The following AATK variants were observed in gnomAD, a reference collection of about 807,000 sequenced individuals.
The protein encoded by AATK is serine/threonine-protein kinase LMTK1.
A neutral mutation model predicts 114.3 loss-of-function variants in AATK; 91 were observed. The observed-to-expected ratio is 0.80, with a 90% CI of 0.67 to 0.95. The LOEUF is 0.95. Among genes scored for constraint, AATK ranks in the 40% least tolerant of loss-of-function variants. The pLI, the probability that AATK is intolerant of heterozygous loss-of-function variation, is 0.00. For synonymous variants in AATK, 1,075 were observed against 916.5 expected, an observed-to-expected ratio of 1.17 and a Z score of -3.12; for missense variants, 2,176 against 1,965.2, an observed-to-expected ratio of 1.11 and a Z score of -2.03.
rs1337163465 is a variant in AATK at position 81,122,329 on chromosome 17, T to C, written c.1607A>G (p.Glu536Gly). ...GTCGTGGCCGGCGGCGGGTGCGGCC[T>C]CCTCTAGGCGGATGAAGTACTCGCT... ...LGSEYFIRLE[E>G]AAPAAGHDPD... Residue 536 changes from glutamate (E) to glycine (G), a missense_variant, in exon 11 of 14, where the codon GAG becomes GGG. This residue lies in a region of AATK where 1,701 missense variants were observed against 1,394.7 expected (regional missense o/e 1.22). Transcript: ENST00000326724. The C allele has an allele frequency of 8.6e-6, 13 of 1,509,846 alleles. No individual in the cohort carries two copies. The highest frequency in any genetic ancestry group is 2.6e-5 in the East Asian group (1 of 37,866). The allele number at this position is 1,509,846 out of a possible 1,614,324, so 93.5% of individuals were successfully genotyped here. A position where few individuals can be genotyped will look rare whatever the true frequency, so the allele number is the denominator to read the frequency against.
chr17:81,124,758 C>T lies in AATK; in HGVS notation c.931G>A (p.Val311Ile), dbSNP rs766148176. The change falls in exon 9 of 14, where the codon GTC (valine) becomes ATC (isoleucine). Residue 311 changes from valine to isoleucine, a missense_variant. Transcript: ENST00000326724. ...LVDEVHSNLL[V>I]VDQTKSGNVW... ...TTCCCGCTCTTGGTCTGGTCCACGA[C>T]GAGCAGGTTGCTATGCACCTCGTCC... 35 of 1,612,788 alleles carry T rather than the reference C, an allele frequency of 2.2e-5. No individual in the cohort carries two copies. The highest frequency in any genetic ancestry group is 4.5e-5 in the East Asian group (2 of 44,888).
At chr17:81,129,096 C>T (rs952993073) in intron 3 of AATK, among the ~76,000 whole-genome samples, 1 of 152,188 alleles carries the variant, frequency 6.6e-6, no homozygotes, top group African/African-American at 2.4e-5. Flanking sequence ...AGGCCCGGGA[C>T]GAAGGGGCCA....
chr17:81,146,853 C>T (rs2061226909), intron 1 of AATK, among the ~76,000 whole-genome samples: 1 of 151,178 alleles, frequency 6.6e-6, no homozygotes, highest in Non-Finnish European at 1.5e-5. Context: ...AAATCAGAAC[C>T]GGCTGCCCAG....
intron 9 of AATK, among the ~76,000 whole-genome samples, chr17:81,124,291 G>A (rs962401913): frequency 2.5e-4 from 38 of 152,176 alleles, no homozygotes; most frequent in African/African-American, 8.4e-4. Flanking sequence ...TGAACGCTCC[G>A]GGCTAGGCAC....
chr17:81,156,287 T>C (rs750895902), intron 1 of AATK, among the ~76,000 whole-genome samples: 1 of 149,288 alleles, frequency 6.7e-6, no homozygotes, highest in Non-Finnish European at 1.5e-5. Flanking sequence ...TATGTTACAA[T>C]GTATGTTACT....
At chr17:81,137,980 ACACGCGTGCACACACCCC>A (rs902493050) in intron 1 of AATK, among the ~76,000 whole-genome samples, 3 of 151,252 alleles carry the variant, frequency 2.0e-5, no homozygotes, top group Admixed American at 1.3e-4. Flanking sequence ...GCAGACACCC[ACACGCGTGCACACACCCC>A]CACACACGTA....
intron 1 of AATK, among the ~76,000 whole-genome samples, chr17:81,149,630 C>T (rs1027209576): frequency 5.9e-5 from 9 of 152,156 alleles, no homozygotes; most frequent in African/African-American, 1.7e-4. Flanking sequence ...GCCCGCGGCA[C>T]CCCCAGCCCA....
chr17:81,133,353 CA>C (rs1382729345), intron 2 of AATK: 2 of 369,642 alleles, frequency 5.4e-6, no homozygotes, highest in Non-Finnish European at 1.1e-5. Flanking sequence ...CATGACATAC[CA>C]GGGGCAGGGA....
chr17:81,161,652 C>A (rs1312567258), intron 1 of AATK, among the ~76,000 whole-genome samples: 2 of 152,100 alleles, frequency 1.3e-5, no homozygotes, highest in Non-Finnish European at 2.9e-5. Context: ...CCTCCTGGAG[C>A]GTGGGTGCTG....
intron 7 of AATK, chr17:81,125,964 C>T (rs777596375): frequency 2.3e-5 from 11 of 480,178 alleles, no homozygotes; most frequent in South Asian, 4.6e-5. Context: ...AGCCGTGCGG[C>T]GTCTGGGGCT....
At chr17:81,148,800 A>G (rs1027486689) in intron 1 of AATK, among the ~76,000 whole-genome samples, 2 of 125,762 alleles carry the variant, frequency 1.6e-5, no homozygotes, top group African/African-American at 2.6e-5. Context: ...TCGCATATGC[A>G]CACACTCACG....
Position 81,124,688 on chromosome 17 carries a change from G to A in AATK, c.962+39C>T, listed in dbSNP as rs77961645. 333 of 1,600,536 alleles carry A rather than the reference G, an allele frequency of 2.1e-4. 1 individual carries two copies. In the African/African-American group the frequency reaches 3.8e-3, roughly 18 times the overall value. On this transcript the variant is annotated intron_variant, in intron 9 of 13. Coordinates refer to ENST00000326724, the MANE Select transcript of AATK (RefSeq NM_001080395.3). ...TGACATGGGTGGGCAGGTGGCACTC[G>A]GCCTCGGCCCCTCACGGTGCCACCA...
intron 1 of AATK, among the ~76,000 whole-genome samples, chr17:81,157,789 C>T (rs977116775): frequency 1.3e-5 from 2 of 152,228 alleles, no homozygotes; most frequent in Admixed American, 6.5e-5. Flanking sequence ...GGAGAAGCCT[C>T]CAAGGGGCAG....
Position 81,125,279 on chromosome 17 carries a change from A to C in AATK, c.756-265T>G, listed in dbSNP as rs371946056. ...GTGGGCCTCAAATGTTACAGTGCAGAGGAGAATGGGGCCTAGAGAGGGTGA... is the reference window on the plus strand; with the variant it reads ...GTGGGCCTCAAATGTTACAGTGCAGCGGAGAATGGGGCCTAGAGAGGGTGA... On this transcript the variant is annotated intron_variant, in intron 7 of 13. Transcript: ENST00000326724. 3.6e-5 allele frequency: 27 copies of C among 755,180 alleles called. No individual in the cohort carries two copies. In the African/African-American group the frequency reaches 4.3e-4, roughly 12 times the overall value. The allele number at this position is 755,180 out of a possible 1,614,324, so 46.8% of individuals were successfully genotyped here.
chr17:81,161,270 C>A (rs894435330), intron 1 of AATK, among the ~76,000 whole-genome samples: 1 of 152,132 alleles, frequency 6.6e-6, no homozygotes, highest in South Asian at 2.1e-4. Flanking sequence ...TCCTGCCTCT[C>A]CGGCACAGCG....
intron 1 of AATK, among the ~76,000 whole-genome samples, chr17:81,157,646 G>A (rs554958423): frequency 6.6e-6 from 1 of 152,330 alleles, no homozygotes; most frequent in South Asian, 2.1e-4. Context: ...TGTCCCCTCT[G>A]TTGACACAAC....
intron 1 of AATK, among the ~76,000 whole-genome samples, chr17:81,161,479 C>T (rs1414996686): frequency 2.0e-5 from 3 of 152,282 alleles, no homozygotes; most frequent in Non-Finnish European, 2.9e-5. Context: ...AGGTACTGGG[C>T]GGGCATGGGT....
chr17:81,142,654 G>C (rs1173228147), intron 1 of AATK, among the ~76,000 whole-genome samples: 1 of 152,238 alleles, frequency 6.6e-6, no homozygotes, highest in Non-Finnish European at 1.5e-5. Flanking sequence ...GAGCAGGGAA[G>C]AGAAGGAGGT....
intron 4 of AATK, 53 bp downstream of exon 4, chr17:81,128,417 G>A: frequency 6.5e-7 from 1 of 1,543,392 alleles, no homozygotes; most frequent in Admixed American, 2.0e-5. Flanking sequence ...CTGCAGCCCT[G>A]TGTCCCTTCT....
Sources: allele counts gnomAD v4.1 joint callset (sites outside exome capture counted in the v4.1 genomes callset), GRCh38; gene constraint gnomAD v4.1.1; regional missense constraint gnomAD v4.1.1; transcripts MANE v1.5; gene names NCBI Gene and HGNC (gene_info 2026-07-23, HGNC 2026-07-21).